Variants in PPARGC1A observed in about 807,000 individuals in gnomAD.
PPARGC1A encodes the protein peroxisome proliferator-activated receptor gamma coactivator 1-alpha.
In PPARGC1A, 25 loss-of-function variants were observed where a neutral mutation model predicts 88.7. The observed-to-expected ratio is 0.28, with a 90% CI of 0.21 to 0.39. The LOEUF is 0.39. Among genes scored for constraint, PPARGC1A ranks in the 10% least tolerant of loss-of-function variants. PPARGC1A has a pLI of 1.00. For missense variants in PPARGC1A, 880 were observed against 968.7 expected, an observed-to-expected ratio of 0.91 and a Z score of 1.22; for synonymous variants, 363 against 355.6, an observed-to-expected ratio of 1.02 and a Z score of -0.24.
the PPARGC1A span, among the ~76,000 whole-genome samples, chr4:24,436,471 TCA>T: frequency 6.6e-6 from 1 of 150,652 alleles, no homozygotes; most frequent in Admixed American, 6.6e-5. Flanking sequence ...ATAGCCCTGG[TCA>T]CACAGCTGAC....
intron 7 of PPARGC1A, 25 bp downstream of exon 7, chr4:23,824,255 G>T: frequency 6.3e-7 from 1 of 1,586,018 alleles, no homozygotes; most frequent in Non-Finnish European, 8.7e-7. Flanking sequence ...ACACACACAA[G>T]TTCTAAGTGA....
the PPARGC1A span, among the ~76,000 whole-genome samples, chr4:24,265,551 C>T: frequency 6.6e-6 from 1 of 152,170 alleles, no homozygotes; most frequent in East Asian, 1.9e-4. Flanking sequence ...GTGAGCAATG[C>T]ATTACTTTCA....
chr4:24,440,821 C>CA, the PPARGC1A span, among the ~76,000 whole-genome samples: 69 of 147,986 alleles, frequency 4.7e-4, no homozygotes, highest in Admixed American at 4.0e-4. Flanking sequence ...AACAAACAAA[C>CA]AAAAAAAAAC....
At chr4:24,150,229 G>A in the PPARGC1A span, among the ~76,000 whole-genome samples, 2 of 152,128 alleles carry the variant, frequency 1.3e-5, no homozygotes, top group Non-Finnish European at 2.9e-5. Flanking sequence ...GTGTACTAGC[G>A]AACTATTGAG....
chr4:24,375,285 G>A, the PPARGC1A span, among the ~76,000 whole-genome samples: 417 of 152,220 alleles, frequency 2.7e-3, 4 homozygotes, highest in African/African-American at 9.6e-3. Context: ...ATTGATCCAT[G>A]TCCCAAACTG....
chr4:24,000,809 G>A, the PPARGC1A span, among the ~76,000 whole-genome samples: 1 of 152,162 alleles, frequency 6.6e-6, no homozygotes, highest in Non-Finnish European at 1.5e-5. Context: ...ATTTCAGTGA[G>A]TAACTATTAA....
chr4:23,847,411 T>C (rs1728513214), intron 2 of PPARGC1A, among the ~76,000 whole-genome samples: 1 of 152,194 alleles, frequency 6.6e-6, no homozygotes, highest in Non-Finnish European at 1.5e-5. Context: ...ACTCATACCC[T>C]GTTTCAGTAC....
chr4:24,096,682 G>C, the PPARGC1A span, among the ~76,000 whole-genome samples: 2 of 152,320 alleles, frequency 1.3e-5, no homozygotes, highest in African/African-American at 4.8e-5. Flanking sequence ...CTGCAGTCAT[G>C]CAGTTTAGCT....
chr4:24,114,574 C>T, the PPARGC1A span, among the ~76,000 whole-genome samples: 1 of 152,176 alleles, frequency 6.6e-6, no homozygotes, highest in Non-Finnish European at 1.5e-5. Context: ...TTCTTTCATT[C>T]CCATTTGCCT....
At chr4:24,288,755 C>A in the PPARGC1A span, among the ~76,000 whole-genome samples, 1 of 150,268 alleles carries the variant, frequency 6.7e-6, no homozygotes, top group Non-Finnish European at 1.5e-5. Context: ...TTTAAAAATC[C>A]AAAATAAATA....
chr4:23,963,990 C>T, the PPARGC1A span, among the ~76,000 whole-genome samples: 1 of 152,138 alleles, frequency 6.6e-6, no homozygotes. Flanking sequence ...AAGATCTTTA[C>T]AGGGTGAAGC....
At chr4:24,449,421 T>C in the PPARGC1A span, among the ~76,000 whole-genome samples, 2 of 152,222 alleles carry the variant, frequency 1.3e-5, no homozygotes, top group African/African-American at 2.4e-5. Context: ...TCACATGATC[T>C]TTTTGGAATC....
intron 2 of PPARGC1A, among the ~76,000 whole-genome samples, chr4:23,837,455 A>G (rs912907341): frequency 6.6e-6 from 1 of 150,986 alleles, no homozygotes; most frequent in African/African-American, 2.4e-5. Context: ...AAACATTTCC[A>G]GTGTATATTC....
the PPARGC1A span, among the ~76,000 whole-genome samples, chr4:24,260,930 G>A: frequency 2.0e-5 from 3 of 152,142 alleles, no homozygotes; most frequent in African/African-American, 7.2e-5. Context: ...TAACAGCTGT[G>A]AATTTCCACC....
chr4:24,317,195 C>G, the PPARGC1A span, among the ~76,000 whole-genome samples: 4 of 152,052 alleles, frequency 2.6e-5, no homozygotes, highest in Admixed American at 1.3e-4. Flanking sequence ...CAACTCAACT[C>G]TATTTATTCA....
the PPARGC1A span, among the ~76,000 whole-genome samples, chr4:24,394,015 C>T: frequency 1.3e-5 from 2 of 152,166 alleles, no homozygotes; most frequent in Non-Finnish European, 2.9e-5. Flanking sequence ...AGCCCAGTGT[C>T]ACTTCCCCCA....
At chr4:24,303,582 T>C in the PPARGC1A span, among the ~76,000 whole-genome samples, 1 of 152,230 alleles carries the variant, frequency 6.6e-6, no homozygotes, top group Non-Finnish European at 1.5e-5. Flanking sequence ...TTCCATTAGG[T>C]AACAGAAATT....
the PPARGC1A span, among the ~76,000 whole-genome samples, chr4:24,305,434 T>C: frequency 0.25 from 38,553 of 152,028 alleles, 5,542 homozygotes; most frequent in South Asian, 0.33. Flanking sequence ...AAAATATGAA[T>C]ACTAACATCT....
At chr4:24,471,178 C>T in the PPARGC1A span, among the ~76,000 whole-genome samples, 5 of 151,912 alleles carry the variant, frequency 3.3e-5, no homozygotes, top group Non-Finnish European at 5.9e-5. The surrounding 1 kb of genome is among the most constrained non-coding windows in gnomAD (Gnocchi z 5.4). Flanking sequence ...GCCAGCTCCC[C>T]CCGCGGTGCG....
Sources: gnomAD v4.1 joint callset for allele counts (sites outside exome capture counted in the v4.1 genomes callset) on GRCh38, gnomAD v4.1.1 for gene constraint, Gnocchi (gnomAD v3.1) non-coding constraint, MANE v1.5 for transcripts, NCBI Gene and HGNC (gene_info 2026-07-23, HGNC 2026-07-21) for gene names.